Variants in JAKMIP2 observed in about 807,000 individuals in gnomAD.
JAKMIP2 encodes the protein janus kinase and microtubule-interacting protein 2.
A neutral mutation model predicts 115.0 loss-of-function variants in JAKMIP2; 25 were observed. That is an observed-to-expected ratio of 0.22 (90% confidence interval 0.16 to 0.30). The LOEUF (loss-of-function observed/expected upper bound fraction) is 0.30. Ranked by LOEUF, JAKMIP2 falls within the 10% of genes least tolerant of loss-of-function variation. JAKMIP2 has a pLI of 1.00. For synonymous variants in JAKMIP2, 334 were observed against 343.6 expected (o/e 0.97, Z 0.31); for missense variants, 642 against 957.6 (o/e 0.67, Z 4.35).
rs61492351 is a variant in JAKMIP2, at chr5:147,662,161, T to TACACACACACACACACACAC, written c.130-736_130-717dup. Among the ~76,000 whole-genome samples the TACACACACACACACACACAC allele has an allele frequency of 1.0e-3, 153 of 147,130 alleles. 1 individual carries two copies. The highest frequency in any genetic ancestry group is 3.6e-3 in the African/African-American group (144 of 39,600). On this transcript the variant is annotated intron_variant, in intron 2 of 21. Coordinates refer to ENST00000616793, the MANE Select transcript of JAKMIP2 (RefSeq NM_001270941.2). ...GCAGGTTAGTTTCATCCCCAAGTTT[T>TACACACACACACACACACAC]ACACACACACACACACACACACACA...
At chr5:147,770,402 G>A (rs552936820) in intron 1 of JAKMIP2, among the ~76,000 whole-genome samples, 7 of 152,134 alleles carry the variant, frequency 4.6e-5, no homozygotes, top group Admixed American at 1.3e-4. Context: ...GGAAAAGAAA[G>A]GACAATAGGA....
chr5:147,758,389 A>G (rs1345500394), intron 1 of JAKMIP2, among the ~76,000 whole-genome samples: 3 of 152,196 alleles, frequency 2.0e-5, no homozygotes, highest in Admixed American at 1.3e-4. Context: ...CGAATGTTAC[A>G]TAGAACAAAG....
At chr5:147,747,410 G>A (rs1754387378) in intron 1 of JAKMIP2, among the ~76,000 whole-genome samples, 1 of 152,008 alleles carries the variant, frequency 6.6e-6, no homozygotes, top group Non-Finnish European at 1.5e-5. Flanking sequence ...TTACAACACG[G>A]GCACAGCTGG....
intron 12 of JAKMIP2, 24 bp downstream of exon 12, chr5:147,636,198 G>A (rs753384458): frequency 2.1e-5 from 34 of 1,598,362 alleles, no homozygotes; most frequent in African/African-American, 6.7e-5. Context: ...CCTCTGCCCC[G>A]CTAGGGTGTT....
At chr5:147,638,135 G>A (rs1453672853) in intron 10 of JAKMIP2, among the ~76,000 whole-genome samples, 1 of 151,916 alleles carries the variant, frequency 6.6e-6, no homozygotes, top group African/African-American at 2.4e-5. Flanking sequence ...TTTATCTTTT[G>A]TTTTCAACGA....
intron 1 of JAKMIP2, among the ~76,000 whole-genome samples, chr5:147,692,731 C>CA (rs1751920816): frequency 6.6e-6 from 1 of 152,050 alleles, no homozygotes; most frequent in Non-Finnish European, 1.5e-5. Flanking sequence ...GTAATTTTGA[C>CA]CTGGGGACAT....
Position 147,764,960 on chromosome 5 carries a change from G to A in JAKMIP2, c.-149+17496C>T, listed in dbSNP as rs1289366864. ...AGAGAGAGAGAGGGAGAGAGAGAGAGAGAGAGGGGGAGAGAGAGAGAGAGA... is the reference window on the plus strand; with the variant it reads ...AGAGAGAGAGAGGGAGAGAGAGAGAAAGAGAGGGGGAGAGAGAGAGAGAGA... On this transcript the variant is annotated intron_variant, in intron 1 of 21. Transcript: ENST00000616793. Among the ~76,000 whole-genome samples the A allele has an allele frequency of 6.5e-3, 401 of 62,062 alleles. 24 individuals are homozygous for A. The highest frequency in any genetic ancestry group is 0.014 in the East Asian group (17 of 1,256). The allele number at this position is 62,062 out of a possible 152,430, so 40.7% of individuals were successfully genotyped here. A position where few individuals can be genotyped will look rare whatever the true frequency, so the allele number is the denominator to read the frequency against.
chr5:147,586,249 A>C lies in JAKMIP2; in HGVS notation c.*5458T>G, dbSNP rs1278814302. 1 of 152,220 alleles carries C rather than the reference A, an allele frequency of 6.6e-6. No individual in the cohort carries two copies. Among genetic ancestry groups the C allele is most frequent in the Admixed American group, 6.5e-5 (1 of 15,280 alleles). 9.4% of individuals were successfully genotyped at this position (152,220 alleles called of 1,614,324 possible). A position where few individuals can be genotyped will look rare whatever the true frequency, so the allele number is the denominator to read the frequency against. ...CATCCTAGAACAGAAGTACACGTTT[A>C]GTAAGCGCTCACACCATCATACTAT... On this transcript the variant is annotated 3_prime_UTR_variant, in exon 22 of 22. Coordinates refer to ENST00000616793, the MANE Select transcript of JAKMIP2 (RefSeq NM_001270941.2).
intron 20 of JAKMIP2, among the ~76,000 whole-genome samples, chr5:147,604,133 A>G (rs193001036): frequency 6.2e-4 from 94 of 152,316 alleles, no homozygotes; most frequent in Non-Finnish European, 1.2e-3. Flanking sequence ...GCTGAAAGCA[A>G]TCCCTGCCTT....
At position 147,631,462 on chromosome 5, in the gene JAKMIP2, G is replaced by A. The variant is rs759970461; in HGVS notation, c.1826C>T (p.Ser609Leu). 6.2e-7 allele frequency: 1 copy of A among 1,612,180 alleles called. No individual in the cohort carries two copies. The highest frequency in any genetic ancestry group is 8.5e-7 in the Non-Finnish European group (1 of 1,178,390). ...GATCTGTAGAGCACTCACACCATCTGAGAATGGGTGAATTTGGAGATTAAA... is the reference window on the plus strand; with the variant it reads ...GATCTGTAGAGCACTCACACCATCTAAGAATGGGTGAATTTGGAGATTAAA... ...PPFNLQIHPF[S>L]DGVSALQIYC... Residue 609 changes from serine (S) to leucine (L), a missense_variant, in exon 14 of 22, where the codon TCA becomes TTA. Ser to Leu is a moderately radical substitution (Grantham distance 145, BLOSUM62 -2). This residue lies in a region of JAKMIP2 where 103 missense variants were observed against 177.6 expected (regional missense o/e 0.58). Transcript: ENST00000616793.
chr5:147,692,272 C>T (rs1751895221), intron 1 of JAKMIP2, among the ~76,000 whole-genome samples: 1 of 152,154 alleles, frequency 6.6e-6, no homozygotes, highest in Non-Finnish European at 1.5e-5. Flanking sequence ...CCAGTGACTA[C>T]CAGAAGCTAG....
chr5:147,687,319 T>C (rs1422692998), intron 1 of JAKMIP2, among the ~76,000 whole-genome samples: 1 of 152,200 alleles, frequency 6.6e-6, no homozygotes, highest in Non-Finnish European at 1.5e-5. Flanking sequence ...TCTACAACTC[T>C]TCCCCACTGG....
Position 147,778,842 on chromosome 5 carries a change from C to T in JAKMIP2, c.-149+3614G>A, listed in dbSNP as rs185366100. Among the ~76,000 whole-genome samples the T allele has an allele frequency of 3.2e-4, 49 of 152,122 alleles. No homozygotes were observed. In the East Asian group the frequency reaches 4.1e-3, roughly 13 times the overall value. Reference sequence around the variant, plus strand: ...AAGGAAATTCTTTCTTGCTAGCATACGCAAATGCTGCTAGTCATATAAAAC... The same window carrying T: ...AAGGAAATTCTTTCTTGCTAGCATATGCAAATGCTGCTAGTCATATAAAAC... On this transcript the variant is annotated intron_variant, in intron 1 of 21. Transcript: ENST00000616793.
chr5:147,592,350 A>G (rs1347422851), intron 21 of JAKMIP2, among the ~76,000 whole-genome samples: 2 of 152,142 alleles, frequency 1.3e-5, no homozygotes, highest in Non-Finnish European at 2.9e-5. Context: ...GTCTCCACCT[A>G]AAGTCCTGAT....
chr5:147,732,104 T>C (rs1328917325), intron 1 of JAKMIP2, among the ~76,000 whole-genome samples: 1 of 152,186 alleles, frequency 6.6e-6, no homozygotes, highest in Non-Finnish European at 1.5e-5. Context: ...TCTGCATGGG[T>C]GATCTCTTTT....
chr5:147,622,395 A>G (rs1330343781), intron 17 of JAKMIP2, among the ~76,000 whole-genome samples: 2 of 152,226 alleles, frequency 1.3e-5, no homozygotes, highest in Non-Finnish European at 2.9e-5. Flanking sequence ...AACTATACCC[A>G]TTATACAACA....
At chr5:147,690,634 A>G (rs577491649) in intron 1 of JAKMIP2, among the ~76,000 whole-genome samples, 10 of 149,550 alleles carry the variant, frequency 6.7e-5, no homozygotes, top group African/African-American at 2.4e-4. Context: ...TACATGCATA[A>G]AAACATTTTG....
intron 20 of JAKMIP2, among the ~76,000 whole-genome samples, chr5:147,609,995 C>T (rs1333142955): frequency 6.6e-6 from 1 of 152,156 alleles, no homozygotes; most frequent in Admixed American, 6.5e-5. Flanking sequence ...CTGCATGCTT[C>T]ACGAAGTTCT....
chr5:147,639,571 G>T, intron 10 of JAKMIP2, 61 bp downstream of exon 10: 1 of 1,539,250 alleles, frequency 6.5e-7, no homozygotes, highest in Non-Finnish European at 8.8e-7. Flanking sequence ...TATGTCCACA[G>T]TGCTTTTATG....
Sources: gnomAD v4.1 joint callset for allele counts (sites outside exome capture counted in the v4.1 genomes callset) on GRCh38, gnomAD v4.1.1 for gene constraint, gnomAD v4.1.1 regional missense constraint, MANE v1.5 for transcripts, NCBI Gene and HGNC (gene_info 2026-07-23, HGNC 2026-07-21) for gene names.